The following FAM234A variants were observed in gnomAD, a reference collection of about 807,000 sequenced individuals.
The protein encoded by FAM234A is family with sequence similarity 234 member A, also known as protein FAM234A.
A neutral mutation model predicts 49.1 loss-of-function variants in FAM234A; 42 were observed. The ratio of observed to expected loss-of-function variants is 0.86; its 90% CI spans 0.67 to 1.11. The LOEUF (loss-of-function observed/expected upper bound fraction) is 1.11. Ranked by LOEUF, FAM234A falls within the 50% of genes least tolerant of loss-of-function variation. FAM234A has a pLI of 0.00. For synonymous variants in FAM234A, 369 were observed against 316.2 expected, an observed-to-expected ratio of 1.17 and a Z score of -1.77; for missense variants, 815 against 745.2, an observed-to-expected ratio of 1.09 and a Z score of -1.09.
chr16:265,393 C>T lies in FAM234A; in HGVS notation c.*371C>T. 1 of 1,044,582 alleles carries T rather than the reference C, an allele frequency of 9.6e-7. No homozygotes were observed. The highest frequency in any genetic ancestry group is 1.2e-6 in the Non-Finnish European group (1 of 868,376). The allele number at this position is 1,044,582 out of a possible 1,614,324, so 64.7% of individuals were successfully genotyped here. On this transcript the variant is annotated 3_prime_UTR_variant, in exon 13 of 13. Coordinates refer to ENST00000399932, the MANE Select transcript of FAM234A (RefSeq NM_032039.4). ...GTGCCCTCTCCTTGCCAGCTTCTCCCCAGGCCAGAGCGGCCATCGCGTAGA... is the reference window on the plus strand; with the variant it reads ...GTGCCCTCTCCTTGCCAGCTTCTCCTCAGGCCAGAGCGGCCATCGCGTAGA...
downstream of FAM234A, chr16:269,202 G>C: frequency 8.2e-7 from 1 of 1,214,820 alleles, no homozygotes; most frequent in Non-Finnish European, 1.2e-6. Context: ...GCCAAGACGG[G>C]GGTGGCTGCT....
At position 259,937 on chromosome 16, in the gene FAM234A, CAACAGTGAGGTG is replaced by C; in HGVS notation, c.386-31_386-20del. ...GGCCGGCCTGCCTGCCCAGATGGTG[CAACAGTGAGGTG>C]CCGGTGTCTCTCCCTACAGGCTTTT... On this transcript the variant is annotated intron_variant, in intron 4 of 12. Coordinates refer to ENST00000399932, the MANE Select transcript of FAM234A (RefSeq NM_032039.4). 6.3e-7 allele frequency: 1 copy of C among 1,598,980 alleles called. No individual in the cohort carries two copies. Among genetic ancestry groups the C allele is most frequent in the South Asian group, 1.1e-5 (1 of 90,410 alleles).
At chr16:252,002 CAA>C (rs1203781848) in intron 2 of FAM234A, among the ~76,000 whole-genome samples, 1 of 48,056 alleles carries the variant, frequency 2.1e-5, no homozygotes, top group East Asian at 6.2e-4. Flanking sequence ...GACTCCGTCT[CAA>C]AAAAAAAAAA....
chr16:263,532 T>TACAA lies in FAM234A; in HGVS notation c.1112+130_1112+131insACAA, dbSNP rs2051565519. Reference sequence around the variant, plus strand: ...GCCGTGTGCTGCTGCCCGGGCTTCTTGCCTGTCTCTGGTACTTGCCCCTTG... The same window carrying TACAA: ...GCCGTGTGCTGCTGCCCGGGCTTCTTACAAGCCTGTCTCTGGTACTTGCCCCTTG... On this transcript the variant is annotated intron_variant, in intron 9 of 12. Coordinates refer to ENST00000399932, the MANE Select transcript of FAM234A (RefSeq NM_032039.4). 5.8e-6 allele frequency: 8 copies of TACAA among 1,374,148 alleles called. No individual in the cohort carries two copies. The African/African-American group carries it at 7.2e-5, about 12-fold the overall frequency. The allele number at this position is 1,374,148 out of a possible 1,614,324, so 85.1% of individuals were successfully genotyped here. A position where few individuals can be genotyped will look rare whatever the true frequency, so the allele number is the denominator to read the frequency against.
intron 1 of FAM234A, among the ~76,000 whole-genome samples, chr16:247,241 C>T (rs1397300694): frequency 6.6e-6 from 1 of 151,860 alleles, no homozygotes; most frequent in East Asian, 1.9e-4. Flanking sequence ...AGTGACCCTC[C>T]CACCTCAGCT....
chr16:268,187 TCA>T (rs540542726), downstream of FAM234A: 73 of 170,758 alleles, frequency 4.3e-4, no homozygotes, highest in Middle Eastern at 2.9e-3. Context: ...CTACACACAA[TCA>T]CACACGCTAT....
downstream of FAM234A, among the ~76,000 whole-genome samples, chr16:266,844 G>C (rs2051706351): frequency 6.6e-6 from 1 of 152,126 alleles, no homozygotes. Context: ...GGGCTGGAGG[G>C]AGAAGGGAAG....
In FAM234A at chr16:262,262, T is replaced by A. The variant is rs772794569; in HGVS notation, c.841+37T>A. 15 of 1,610,138 alleles carry A rather than the reference T, an allele frequency of 9.3e-6. No individual in the cohort carries two copies. The Middle Eastern group carries it at 8.2e-4, about 88-fold the overall frequency. ...CTGCCACATCCCTGGCCAGCCTCAC[T>A]CGTGGAGCATGACTGCCCTGCGGCT... On this transcript the variant is annotated intron_variant, in intron 7 of 12. Transcript: ENST00000399932.
At position 265,411 on chromosome 16, in the gene FAM234A, C is replaced by A; in HGVS notation, c.*389C>A. The A allele has an allele frequency of 5.9e-6, 6 of 1,020,736 alleles. No individual in the cohort carries two copies. Among genetic ancestry groups the A allele is most frequent in the South Asian group, 8.7e-5 (2 of 22,956 alleles). 63.2% of individuals were successfully genotyped at this position (1,020,736 alleles called of 1,614,324 possible). ...CTTCTCCCCAGGCCAGAGCGGCCAT[C>A]GCGTAGAAAGAACCAGGGTGTCCCC... is the stretch of plus-strand genomic sequence containing the variant. On this transcript the variant is annotated 3_prime_UTR_variant, in exon 13 of 13. Transcript: ENST00000399932.
In FAM234A at chr16:265,428, G is replaced by C. The variant is rs1253660272; in HGVS notation, c.*406G>C. ...GCGGCCATCGCGTAGAAAGAACCAG[G>C]GTGTCCCCGGGACAGGCCGTCCCCC... On this transcript the variant is annotated 3_prime_UTR_variant, in exon 13 of 13. Transcript: ENST00000399932. 9.9e-7 allele frequency: 1 copy of C among 1,011,850 alleles called. No individual in the cohort carries two copies. Among genetic ancestry groups the C allele is most frequent in the Non-Finnish European group, 1.2e-6 (1 of 847,640 alleles). 62.7% of individuals were successfully genotyped at this position (1,011,850 alleles called of 1,614,324 possible). A position where few individuals can be genotyped will look rare whatever the true frequency, so the allele number is the denominator to read the frequency against.
At chr16:252,576 A>G (rs1048630425) in intron 2 of FAM234A, among the ~76,000 whole-genome samples, 5 of 152,160 alleles carry the variant, frequency 3.3e-5, no homozygotes, top group Non-Finnish European at 7.4e-5. Context: ...AGGATCTGCC[A>G]GACTGTGTTT....
chr16:268,711 G>A (rs1042637599), downstream of FAM234A: 13 of 1,499,384 alleles, frequency 8.7e-6, no homozygotes, highest in South Asian at 8.4e-5. Flanking sequence ...AGGAATAGGC[G>A]CAGCTCCGGA....
Position 259,570 on chromosome 16 carries a change from A to G in FAM234A, c.356A>G (p.Asn119Ser). 6.2e-7 allele frequency: 1 copy of G among 1,610,714 alleles called. No homozygotes were observed. Among genetic ancestry groups the G allele is most frequent in the South Asian group, 1.1e-5 (1 of 91,020 alleles). ...LFLYKNTNSS[N>S]NFSRSCVDEG... ...CTTTATAAAAACACCAACAGCAGCA[A>G]CAATTTCAGCCGATCCTGTGTGGAC... Residue 119 changes from asparagine (N) to serine (S), a missense_variant, in exon 4 of 13, where the codon AAC becomes AGC. Physicochemically the swap from Asn to Ser is conservative, Grantham distance 46. Coordinates refer to ENST00000399932, the MANE Select transcript of FAM234A (RefSeq NM_032039.4).
At chr16:258,624 C>A (rs1046019604) in intron 3 of FAM234A, among the ~76,000 whole-genome samples, 5 of 152,232 alleles carry the variant, frequency 3.3e-5, no homozygotes, top group African/African-American at 1.2e-4. Flanking sequence ...TTCTATTCCA[C>A]AAAACCGCCA....
Position 259,953 on chromosome 16 carries a change from G to T in FAM234A, c.386-16G>T. 6.2e-7 allele frequency: 1 copy of T among 1,608,604 alleles called. No individual in the cohort carries two copies. Among genetic ancestry groups the T allele is most frequent in the Non-Finnish European group, 8.5e-7 (1 of 1,177,300 alleles). On this transcript the variant is annotated splice_polypyrimidine_tract_variant and intron_variant, in intron 4 of 12. Transcript: ENST00000399932. ...CAGATGGTGCAACAGTGAGGTGCCG[G>T]TGTCTCTCCCTACAGGCTTTTCCTC... is the stretch of plus-strand genomic sequence containing the variant.
At chr16:263,972 G>C in intron 10 of FAM234A, 44 bp from the exon 11 acceptor site, 4 of 1,586,380 alleles carry the variant, frequency 2.5e-6, no homozygotes, top group Non-Finnish European at 2.6e-6. Flanking sequence ...AGCTTTTCCC[G>C]GTAGCCCCCA....
chr16:250,952 ATGTTTTGTTT>A (rs896039006), intron 2 of FAM234A, among the ~76,000 whole-genome samples: 1 of 152,084 alleles, frequency 6.6e-6, no homozygotes, highest in South Asian at 2.1e-4. Flanking sequence ...ATCCATTCAT[ATGTTTTGTTT>A]TGTTTTGTTT....
chr16:235,120 T>G lies in FAM234A; in HGVS notation c.-140+263T>G, dbSNP rs185656677. On this transcript the variant is annotated intron_variant, in intron 1 of 12. Transcript: ENST00000399932. ...TTTCCCCCATTGCCGCAGCCTGGGT[T>G]TCAGTGGCATTCAGAACAAGCCCAC... is the stretch of plus-strand genomic sequence containing the variant. Among the ~76,000 whole-genome samples, 640 of 152,300 alleles carry G rather than the reference T, an allele frequency of 4.2e-3. 4 individuals carry two copies. The highest frequency in any genetic ancestry group is 0.014 in the African/African-American group (595 of 41,570).
chr16:255,880 C>G (rs1002342551), intron 3 of FAM234A, among the ~76,000 whole-genome samples: 20 of 152,192 alleles, frequency 1.3e-4, no homozygotes, highest in African/African-American at 4.6e-4. Flanking sequence ...TCAGGCTGGT[C>G]TCAAACTCCC....
Sources: gnomAD v4.1 joint callset for allele counts (sites outside exome capture counted in the v4.1 genomes callset) on GRCh38, gnomAD v4.1.1 for gene constraint, MANE v1.5 for transcripts, NCBI Gene and HGNC (gene_info 2026-07-23, HGNC 2026-07-21) for gene names.